LOC128092253: variants seen among roughly 807,000 people sequenced by gnomAD.
At chr6:133,968,896 A>T in the LOC128092253 span, 1 of 152,106 alleles carries the variant, frequency 6.6e-6, no homozygotes, top group South Asian at 2.1e-4. Flanking sequence ...CCTGACCTCA[A>T]ATGATCCACC....
chr6:133,955,942 G>T, the LOC128092253 span, among the ~76,000 whole-genome samples: 1 of 152,196 alleles, frequency 6.6e-6, no homozygotes. Flanking sequence ...TGCAGAATTT[G>T]CTATGAAGTA....
At chr6:133,962,479 C>A in the LOC128092253 span, among the ~76,000 whole-genome samples, 3 of 152,330 alleles carry the variant, frequency 2.0e-5, no homozygotes, top group East Asian at 5.8e-4. Context: ...TCTGAAATTT[C>A]TGGTTGAAGT....
the LOC128092253 span, among the ~76,000 whole-genome samples, chr6:133,976,228 C>T: frequency 2.6e-5 from 4 of 151,562 alleles, no homozygotes; most frequent in Non-Finnish European, 5.9e-5. Flanking sequence ...TAGAATTAAA[C>T]GAAATAATTT....
the LOC128092253 span, among the ~76,000 whole-genome samples, chr6:133,973,080 A>T: frequency 4.6e-5 from 7 of 152,214 alleles, no homozygotes; most frequent in African/African-American, 1.7e-4. Flanking sequence ...CTTCATCCTG[A>T]TTCTAGGCAT....
At chr6:133,965,054 T>G in the LOC128092253 span, among the ~76,000 whole-genome samples, 2 of 152,222 alleles carry the variant, frequency 1.3e-5, no homozygotes, top group Non-Finnish European at 2.9e-5. Context: ...GCATGCCAAT[T>G]CTGACACCAA....
the LOC128092253 span, among the ~76,000 whole-genome samples, chr6:133,974,576 C>G: frequency 1.3e-5 from 2 of 152,350 alleles, no homozygotes; most frequent in South Asian, 2.1e-4. Context: ...ATCCACTCAC[C>G]TTGCCCTCCC....
the LOC128092253 span, among the ~76,000 whole-genome samples, chr6:133,975,094 A>G: frequency 2.0e-5 from 3 of 152,168 alleles, no homozygotes; most frequent in Non-Finnish European, 4.4e-5. Flanking sequence ...GAAGGAAACA[A>G]TGGACATGGG....
the LOC128092253 span, among the ~76,000 whole-genome samples, chr6:133,974,809 CATCTT>C: frequency 6.6e-6 from 1 of 152,148 alleles, no homozygotes; most frequent in Non-Finnish European, 1.5e-5. Context: ...AAGTAAGTGT[CATCTT>C]ATTCTTTTAA....
At chr6:133,979,732 C>T in the LOC128092253 span, among the ~76,000 whole-genome samples, 6 of 151,870 alleles carry the variant, frequency 4.0e-5, no homozygotes, top group African/African-American at 1.5e-4. Context: ...CTGCAACCTC[C>T]GCCTCCCAGG....
At chr6:133,969,802 A>G in the LOC128092253 span, among the ~76,000 whole-genome samples, 13 of 152,238 alleles carry the variant, frequency 8.5e-5, no homozygotes, top group Non-Finnish European at 1.6e-4. Context: ...ACACAAATGC[A>G]TGCTGAAGGG....
the LOC128092253 span, among the ~76,000 whole-genome samples, chr6:133,954,100 G>A: frequency 2.4e-3 from 364 of 152,274 alleles, 1 homozygote; most frequent in Middle Eastern, 6.8e-3. Context: ...AGGGCATGAG[G>A]GCTTAAAAAG....
At chr6:133,967,860 A>G in the LOC128092253 span, among the ~76,000 whole-genome samples, 1 of 152,200 alleles carries the variant, frequency 6.6e-6, no homozygotes, top group East Asian at 1.9e-4. Context: ...TTTTTATAAA[A>G]TCCTTTGCTG....
chr6:133,968,626 A>G, the LOC128092253 span, among the ~76,000 whole-genome samples: 174 of 152,304 alleles, frequency 1.1e-3, no homozygotes, highest in Non-Finnish European at 1.7e-3. Flanking sequence ...ACTGTCGTGT[A>G]GCTTCCATTA....
At chr6:133,977,318 A>G in the LOC128092253 span, among the ~76,000 whole-genome samples, 66 of 152,322 alleles carry the variant, frequency 4.3e-4, 1 homozygote, top group Admixed American at 1.9e-3. Context: ...CTTATGAACT[A>G]TTCCCATGAC....
chr6:133,974,932 C>T, the LOC128092253 span, among the ~76,000 whole-genome samples: 35 of 152,256 alleles, frequency 2.3e-4, no homozygotes, highest in African/African-American at 8.4e-4. Context: ...AATGAAAACA[C>T]ATATCCAACT....
At chr6:133,972,313 A>G in the LOC128092253 span, among the ~76,000 whole-genome samples, 6 of 152,172 alleles carry the variant, frequency 3.9e-5, no homozygotes, top group Non-Finnish European at 7.3e-5. Flanking sequence ...AAATCACTCA[A>G]ATTTCTCTCA....
At chr6:133,960,791 G>A in the LOC128092253 span, among the ~76,000 whole-genome samples, 1 of 152,160 alleles carries the variant, frequency 6.6e-6, no homozygotes, top group Non-Finnish European at 1.5e-5. Flanking sequence ...GGCTATAGTG[G>A]AATTAGCTGT....
chr6:133,963,843 A>T, the LOC128092253 span, among the ~76,000 whole-genome samples: 1 of 151,134 alleles, frequency 6.6e-6, no homozygotes, highest in East Asian at 2.0e-4. Context: ...ATCCTGGCTA[A>T]CGTGGTGAAA....
the LOC128092253 span, among the ~76,000 whole-genome samples, chr6:133,971,465 T>G: frequency 2.6e-3 from 398 of 152,330 alleles, 3 homozygotes; most frequent in African/African-American, 9.1e-3. Flanking sequence ...GTAGTTCTAT[T>G]TTTAATTTTT....
Sources: allele counts gnomAD v4.1 joint callset (sites outside exome capture counted in the v4.1 genomes callset), GRCh38; gene constraint gnomAD v4.1.1; transcripts MANE v1.5.